Variants in ITPR1 observed in about 807,000 individuals in gnomAD.
The protein encoded by ITPR1 is inositol 1,4,5-trisphosphate-gated calcium channel ITPR1.
A neutral mutation model predicts 318.4 loss-of-function variants in ITPR1; 96 were observed. That is an observed-to-expected ratio of 0.30 (90% confidence interval 0.26 to 0.36). The LOEUF (loss-of-function observed/expected upper bound fraction) is 0.36, where lower values mean the gene tolerates loss of function less well. ITPR1 is among the 10% of genes least tolerant of loss of function. The pLI, the probability that ITPR1 is intolerant of heterozygous loss-of-function variation, is 1.00. For missense variants in ITPR1, 2,440 were observed against 3,460.2 expected, an observed-to-expected ratio of 0.71 and a Z score of 7.40; for synonymous variants, 1,312 against 1,289.9, an observed-to-expected ratio of 1.02 and a Z score of -0.37.
At chr3:4,533,629 G>A (rs1038544904) in intron 4 of ITPR1, among the ~76,000 whole-genome samples, 6 of 152,136 alleles carry the variant, frequency 3.9e-5, no homozygotes, top group Admixed American at 2.0e-4. Flanking sequence ...GTAAAACATC[G>A]ATATGTCCGT....
chr3:4,494,573 A>G (rs2080402672), intron 2 of ITPR1, 67 bp downstream of exon 2: 4 of 152,174 alleles, frequency 2.6e-5, no homozygotes, highest in African/African-American at 9.7e-5. Context: ...TTTAAGTTCT[A>G]TCTAAACCGC....
chr3:4,623,418 G>A (rs1360692934), intron 4 of ITPR1, among the ~76,000 whole-genome samples: 2 of 152,098 alleles, frequency 1.3e-5, no homozygotes, highest in Non-Finnish European at 1.5e-5. Context: ...TTCCTCAAAG[G>A]CCTAAAATAA....
At chr3:4,790,402 A>G (rs767318111) in intron 52 of ITPR1, among the ~76,000 whole-genome samples, 15 of 152,270 alleles carry the variant, frequency 9.9e-5, no homozygotes, top group Non-Finnish European at 2.1e-4. Context: ...TATTTCAGTC[A>G]TTCTTTTTTT....
chr3:4,497,050 G>T (rs1307288547), intron 2 of ITPR1, among the ~76,000 whole-genome samples: 2 of 72,558 alleles, frequency 2.8e-5, no homozygotes, highest in African/African-American at 1.1e-4. Context: ...TTAACCAGAA[G>T]TCCATGCAGT....
intron 60 of ITPR1, among the ~76,000 whole-genome samples, chr3:4,835,518 G>T (rs1167796725): frequency 1.3e-5 from 2 of 152,080 alleles, no homozygotes; most frequent in African/African-American, 4.8e-5. Flanking sequence ...AAATGTCGCC[G>T]ACCCCCACGG....
At chr3:4,495,935 C>T (rs1479284852) in intron 2 of ITPR1, among the ~76,000 whole-genome samples, 1 of 152,106 alleles carries the variant, frequency 6.6e-6, no homozygotes, top group East Asian at 1.9e-4. Flanking sequence ...TGAAATAATA[C>T]ATAACATTGA....
At position 4,780,545 on chromosome 3, in the gene ITPR1, G is replaced by C. The variant is rs578068903; in HGVS notation, c.6387+900G>C. 1.5e-3 allele frequency among the ~76,000 whole-genome samples: 227 copies of C among 152,226 alleles called. 2 individuals carry two copies. The highest frequency in any genetic ancestry group is 5.1e-3 in the African/African-American group (211 of 41,548). On this transcript the variant is annotated intron_variant, in intron 49 of 61. Coordinates refer to ENST00000649015, the MANE Select transcript of ITPR1 (RefSeq NM_001378452.1). ...CTCTCTATTTGGACTCTTTTTCCAC[G>C]CTAATAAACTGTAACTGACAGACTT...
At chr3:4,669,872 C>G in intron 19 of ITPR1, 99 bp downstream of exon 19, 1 of 1,194,198 alleles carries the variant, frequency 8.4e-7, no homozygotes, top group Non-Finnish European at 1.1e-6. Flanking sequence ...TTGAGTTGAT[C>G]TAAAGTCAGT....
At chr3:4,768,157 C>A (rs2045938760) in intron 45 of ITPR1, 2 of 202,432 alleles carry the variant, frequency 9.9e-6, no homozygotes, top group Admixed American at 1.1e-4. Flanking sequence ...TGTTGAGCTT[C>A]TTAAGAACTT....
intron 2 of ITPR1, among the ~76,000 whole-genome samples, chr3:4,513,433 G>A (rs2081975816): frequency 6.6e-6 from 1 of 152,134 alleles, no homozygotes; most frequent in Non-Finnish European, 1.5e-5. Context: ...GAGACCCCTG[G>A]GGAAGGATCT....
intron 2 of ITPR1, among the ~76,000 whole-genome samples, chr3:4,501,876 GT>G (rs2081048416): frequency 1.3e-5 from 2 of 152,314 alleles, no homozygotes; most frequent in East Asian, 3.9e-4. Context: ...AGGAACTTAT[GT>G]TTTATCATAC....
At chr3:4,738,888 C>T (rs1042826564) in intron 44 of ITPR1, among the ~76,000 whole-genome samples, 1 of 151,788 alleles carries the variant, frequency 6.6e-6, no homozygotes, top group South Asian at 2.1e-4. Context: ...GGATCCATGC[C>T]AGGATGGAAG....
In ITPR1 at chr3:4,688,609, C is replaced by G. The variant is rs1376265161; in HGVS notation, c.3817C>G (p.Leu1273Val). ...GCTACATAAACACATAAACCTGTTTCTCAACCCAGGGGTAAGACTTGAGGC... is the reference window on the plus strand; with the variant it reads ...GCTACATAAACACATAAACCTGTTTGTCAACCCAGGGGTAAGACTTGAGGC... The part of the protein sequence containing the change: ...ALLHKHINLF[L>V]NPGILEAVTM... The change falls in exon 31 of 62, where the codon CTC (leucine) becomes GTC (valine). Residue 1273 changes from leucine (L) to valine (V), a missense_variant. Transcript: ENST00000649015. 2 of 1,613,868 alleles carry G rather than the reference C, an allele frequency of 1.2e-6. No homozygotes were observed. The highest frequency in any genetic ancestry group is 2.2e-5 in the East Asian group (1 of 44,896).
At chr3:4,702,697 C>G in intron 35 of ITPR1, 133 bp from the exon 36 acceptor site, 3 of 939,968 alleles carry the variant, frequency 3.2e-6, no homozygotes, top group Non-Finnish European at 4.8e-6. Flanking sequence ...GCCTCAGGGT[C>G]CATTAACAAG....
At chr3:4,645,791 C>CTG (rs1482801275) in intron 10 of ITPR1, 63 bp downstream of exon 10, 4 of 1,461,648 alleles carry the variant, frequency 2.7e-6, no homozygotes, top group African/African-American at 2.8e-5. Flanking sequence ...TATAGGCTCT[C>CTG]TCTCTCTCTA....
At chr3:4,758,741 G>A (rs2045211994) in intron 44 of ITPR1, among the ~76,000 whole-genome samples, 1 of 152,220 alleles carries the variant, frequency 6.6e-6, no homozygotes, top group Admixed American at 6.5e-5. Context: ...AGCGTGCCTG[G>A]AGAACTGGAA....
intron 54 of ITPR1, among the ~76,000 whole-genome samples, chr3:4,801,974 G>A (rs961028202): frequency 9.2e-5 from 14 of 152,178 alleles, no homozygotes; most frequent in African/African-American, 2.9e-4. Context: ...AGTAGGAACT[G>A]ATCCTGTGTA....
At chr3:4,665,324 G>A (rs562821514) in intron 17 of ITPR1, 28 bp downstream of exon 17, 1 of 1,584,106 alleles carries the variant, frequency 6.3e-7, no homozygotes, top group South Asian at 1.1e-5. Context: ...GTGGGATGTG[G>A]TTGTCAGTTT....
At chr3:4,551,398 C>T (rs527985864) in intron 4 of ITPR1, among the ~76,000 whole-genome samples, 104 of 152,264 alleles carry the variant, frequency 6.8e-4, no homozygotes, top group Middle Eastern at 3.4e-3. Flanking sequence ...GAAATGTGTC[C>T]TTATGAAAAT....
Sources: allele counts gnomAD v4.1 joint callset (sites outside exome capture counted in the v4.1 genomes callset), GRCh38; gene constraint gnomAD v4.1.1; transcripts MANE v1.5; gene names NCBI Gene and HGNC (gene_info 2026-07-23, HGNC 2026-07-21).